Variants in ZNF557 observed in about 807,000 individuals in gnomAD.
The protein encoded by ZNF557 is zinc finger protein 557.
A neutral mutation model predicts 21.2 loss-of-function variants in ZNF557; 19 were observed. That is an observed-to-expected ratio of 0.90 (90% CI 0.63 to 1.32). The LOEUF (loss-of-function observed/expected upper bound fraction) is 1.32, where lower values mean the gene tolerates loss of function less well. ZNF557 is among the 40% of genes most tolerant of loss of function. The probability of loss-of-function intolerance (pLI) is 0.00; values close to 1 mark genes in which losing one functional copy is unlikely to be tolerated. For missense variants in ZNF557, 487 were observed against 519.8 expected, an observed-to-expected ratio of 0.94 and a Z score of 0.61; for synonymous variants, 207 against 194.8, an observed-to-expected ratio of 1.06 and a Z score of -0.52.
chr19:7,081,841 CGAAT>C, intron 6 of ZNF557, 125 bp from the exon 7 acceptor site: 1 of 672,538 alleles, frequency 1.5e-6, no homozygotes, highest in Non-Finnish European at 2.6e-6. Context: ...TCTCTTTCAC[CGAAT>C]GCCTTCTCAA....
chr19:7,074,243 T>G (rs1568406148), intron 2 of ZNF557, among the ~76,000 whole-genome samples: 1 of 151,700 alleles, frequency 6.6e-6, no homozygotes, highest in Non-Finnish European at 1.5e-5. Context: ...CCTGACCTCG[T>G]GATCCGCCCG....
At chr19:7,073,801 A>G (rs1237634234) in intron 2 of ZNF557, among the ~76,000 whole-genome samples, 1 of 152,170 alleles carries the variant, frequency 6.6e-6, no homozygotes, top group Non-Finnish European at 1.5e-5. Context: ...CAAGAGATCT[A>G]GAAGGAAGCC....
rs1189588846 is a variant in ZNF557 at position 7,084,378 on chromosome 19, TCTCA to T, written c.*638_*641del. 6.6e-6 allele frequency: 1 copy of T among 152,338 alleles called. No homozygotes were observed. The highest frequency in any genetic ancestry group is 2.4e-5 in the African/African-American group (1 of 41,282). 9.4% of individuals were successfully genotyped at this position (152,338 alleles called of 1,614,324 possible). On this transcript the variant is annotated 3_prime_UTR_variant, in exon 8 of 8. Transcript: ENST00000252840. ...TCATTTTTTTTTTTTTAAGACAATG[TCTCA>T]CTCTGTCACCCAGTCTGGAGCGCAG... is the stretch of plus-strand genomic sequence containing the variant.
Position 7,083,475 on chromosome 19 carries a change from C to T in ZNF557, c.1024C>T (p.His342Tyr). The T allele has an allele frequency of 6.2e-7, 1 of 1,614,176 alleles. No individual in the cohort carries two copies. The highest frequency in any genetic ancestry group is 8.5e-7 in the Non-Finnish European group (1 of 1,180,038). Residue 342 changes from histidine to tyrosine, a missense_variant, in exon 8 of 8, where the codon CAT becomes TAT. His to Tyr is a moderately conservative substitution (Grantham distance 83). Coordinates refer to ENST00000252840, the MANE Select transcript of ZNF557 (RefSeq NM_024341.3). ...GAATCTGACACAGCACATAAGAACT[C>T]ATACTGGAGAAAAACCCTACACATG... is the stretch of plus-strand genomic sequence containing the variant. Reference protein sequence around the residue: ...RSNLTQHIRTHTGEKPYTCNE... With the variant: ...RSNLTQHIRTYTGEKPYTCNE...
Position 7,075,578 on chromosome 19 carries a change from C to T in ZNF557, c.32-77C>T. On this transcript the variant is annotated intron_variant, in intron 3 of 7. Transcript: ENST00000252840. ...GCATGGGGACCTGGTCGATCGCAGG[C>T]AGGTGGGGAAGCCTCCAGATGTGTG... is the stretch of plus-strand genomic sequence containing the variant. 2.1e-6 allele frequency: 3 copies of T among 1,441,140 alleles called. No individual in the cohort carries two copies. In the South Asian group the frequency reaches 3.6e-5, roughly 17 times the overall value. The allele number at this position is 1,441,140 out of a possible 1,614,324, so 89.3% of individuals were successfully genotyped here.
At chr19:7,072,337 A>G (rs1169727972) in intron 2 of ZNF557, among the ~76,000 whole-genome samples, 1 of 151,862 alleles carries the variant, frequency 6.6e-6, no homozygotes, top group African/African-American at 2.4e-5. Flanking sequence ...GGCAGACAGA[A>G]TTGCTTGAAC....
Position 7,085,578 on chromosome 19 carries a change from A to T in ZNF557, c.*1834A>T, listed in dbSNP as rs1386503578. ...TCACGAGTGTATTAATTTCAGAAAA[A>T]TTTTCAGTGATTCCTCCCTTTATGC... On this transcript the variant is annotated 3_prime_UTR_variant, in exon 8 of 8. Coordinates refer to ENST00000252840, the MANE Select transcript of ZNF557 (RefSeq NM_024341.3). 1 of 152,252 alleles carries T rather than the reference A, an allele frequency of 6.6e-6. No homozygotes were observed. The highest frequency in any genetic ancestry group is 2.1e-4 in the South Asian group (1 of 4,822). 9.4% of individuals were successfully genotyped at this position (152,252 alleles called of 1,614,324 possible). A position where few individuals can be genotyped will look rare whatever the true frequency, so the allele number is the denominator to read the frequency against.
Position 7,084,565 on chromosome 19 carries a change from C to G in ZNF557, c.*821C>G, listed in dbSNP as rs760856673. ...GGAGGGTTTTGCCATGTTGCCCAGACTAGTCTCAAACTCCTAGGTTCAAGC... is the reference window on the plus strand; with the variant it reads ...GGAGGGTTTTGCCATGTTGCCCAGAGTAGTCTCAAACTCCTAGGTTCAAGC... On this transcript the variant is annotated 3_prime_UTR_variant, in exon 8 of 8. Coordinates refer to ENST00000252840, the MANE Select transcript of ZNF557 (RefSeq NM_024341.3). 2.6e-5 allele frequency: 4 copies of G among 152,094 alleles called. No individual in the cohort carries two copies. Among genetic ancestry groups the G allele is most frequent in the Non-Finnish European group, 5.9e-5 (4 of 68,078 alleles). The allele number at this position is 152,094 out of a possible 1,614,324, so 9.4% of individuals were successfully genotyped here.
At chr19:7,074,632 G>A (rs1216993454) in intron 2 of ZNF557, among the ~76,000 whole-genome samples, 1 of 150,598 alleles carries the variant, frequency 6.6e-6, no homozygotes, top group Non-Finnish European at 1.5e-5. Context: ...AGTGGGGAGT[G>A]GGGAGGAGGA....
intron 7 of ZNF557, 110 bp from the exon 8 acceptor site, chr19:7,082,768 A>T: frequency 8.7e-7 from 1 of 1,150,648 alleles, no homozygotes; most frequent in Non-Finnish European, 1.2e-6. Flanking sequence ...AAAAACATTA[A>T]TTCCAATACT....
intron 4 of ZNF557, among the ~76,000 whole-genome samples, chr19:7,076,027 C>T (rs1421037670): frequency 3.3e-5 from 5 of 152,164 alleles, no homozygotes; most frequent in African/African-American, 9.7e-5. Flanking sequence ...AAAGGCCATA[C>T]GGAAATCATT....
At chr19:7,078,262 C>T (rs1454331094) in intron 5 of ZNF557, among the ~76,000 whole-genome samples, 2 of 152,034 alleles carry the variant, frequency 1.3e-5, no homozygotes, top group African/African-American at 4.8e-5. Context: ...CTTATTTCTC[C>T]CTTGCCATTT....
Position 7,083,783 on chromosome 19 carries a change from T to C in ZNF557, c.*39T>C. On this transcript the variant is annotated 3_prime_UTR_variant, in exon 8 of 8. Coordinates refer to ENST00000252840, the MANE Select transcript of ZNF557 (RefSeq NM_024341.3). ...GGGAAAAGCATTCATTGATCTTTCA[T>C]GCCTCAGATAACATGAGCAAACTCT... 1 of 1,557,952 alleles carries C rather than the reference T, an allele frequency of 6.4e-7. No individual in the cohort carries two copies. The highest frequency in any genetic ancestry group is 8.7e-7 in the Non-Finnish European group (1 of 1,152,312).
At chr19:7,073,960 G>GC (rs1977516594) in intron 2 of ZNF557, among the ~76,000 whole-genome samples, 4 of 150,062 alleles carry the variant, frequency 2.7e-5, no homozygotes, top group African/African-American at 9.8e-5. Context: ...GACAGCGCCT[G>GC]CCCCCGCCCC....
chr19:7,081,676 A>G (rs185095039), intron 6 of ZNF557, among the ~76,000 whole-genome samples: 1 of 152,238 alleles, frequency 6.6e-6, no homozygotes, highest in Non-Finnish European at 1.5e-5. Flanking sequence ...GGGGAGAAAA[A>G]AAGACATCTC....
At chr19:7,072,395 A>C (rs1977479565) in intron 2 of ZNF557, among the ~76,000 whole-genome samples, 1 of 152,242 alleles carries the variant, frequency 6.6e-6, no homozygotes, top group African/African-American at 2.4e-5. Flanking sequence ...ATTGTACTCC[A>C]GCCTGGGTGA....
chr19:7,073,693 A>G (rs1396708475), intron 2 of ZNF557, among the ~76,000 whole-genome samples: 1 of 152,044 alleles, frequency 6.6e-6, no homozygotes, highest in Non-Finnish European at 1.5e-5. Flanking sequence ...CCAGCGAACA[A>G]CTGGCCTGTG....
At chr19:7,073,902 GCT>G (rs1977515349) in intron 2 of ZNF557, among the ~76,000 whole-genome samples, 1 of 152,012 alleles carries the variant, frequency 6.6e-6, no homozygotes, top group Non-Finnish European at 1.5e-5. Flanking sequence ...ACCCTCTACA[GCT>G]CTGTTTTGTC....
Position 7,081,460 on chromosome 19 carries a change from G to A in ZNF557, c.343+5G>A. On this transcript the variant is annotated splice_donor_5th_base_variant and intron_variant, in intron 6 of 7. Coordinates refer to ENST00000252840, the MANE Select transcript of ZNF557 (RefSeq NM_024341.3). Reference sequence around the variant, plus strand: ...TTCTCTCAGGTACCTGTCCAGGTGAGCACCAGGTGGATATAAGTCCTTGTG... The same window carrying A: ...TTCTCTCAGGTACCTGTCCAGGTGAACACCAGGTGGATATAAGTCCTTGTG... 2 of 1,600,562 alleles carry A rather than the reference G, an allele frequency of 1.2e-6. No individual in the cohort carries two copies. The highest frequency in any genetic ancestry group is 1.1e-5 in the South Asian group (1 of 90,458).
Sources: allele counts gnomAD v4.1 joint callset (sites outside exome capture counted in the v4.1 genomes callset), GRCh38; gene constraint gnomAD v4.1.1; transcripts MANE v1.5; gene names NCBI Gene and HGNC (gene_info 2026-07-23, HGNC 2026-07-21).